The following NXPE2 variants were observed in gnomAD, a reference collection of about 807,000 sequenced individuals.
The protein encoded by NXPE2 is NXPE family member 2.
NXPE2 carries 34 observed loss-of-function variants against 34.4 expected under a neutral mutation model. That is an observed-to-expected ratio of 0.99 (90% confidence interval 0.75 to 1.31). NXPE2 has a LOEUF of 1.31. NXPE2 is among the 40% of genes most tolerant of loss of function. NXPE2 has a pLI of 0.00. For synonymous variants in NXPE2, 235 were observed against 231.3 expected, an observed-to-expected ratio of 1.02 and a Z score of -0.15; for missense variants, 649 against 672.5, an observed-to-expected ratio of 0.97 and a Z score of 0.39.
intron 4 of NXPE2, among the ~76,000 whole-genome samples, chr11:114,704,958 C>T (rs1951444131): frequency 2.0e-5 from 3 of 152,202 alleles, no homozygotes; most frequent in Admixed American, 1.3e-4. Flanking sequence ...TAGTACCAGA[C>T]TGTAATTTTT....
the NXPE2 span, among the ~76,000 whole-genome samples, chr11:114,724,890 GTTTT>G: frequency 4.4e-5 from 4 of 90,926 alleles, no homozygotes; most frequent in African/African-American, 8.0e-5. Context: ...TTCAGAAATG[GTTTT>G]TTTTTTTTTT....
the NXPE2 span, among the ~76,000 whole-genome samples, chr11:114,779,522 C>T: frequency 6.6e-6 from 1 of 152,018 alleles, no homozygotes; most frequent in African/African-American, 2.4e-5. Flanking sequence ...TCCCCGGGTG[C>T]CAGCTCAGCT....
intron 3 of NXPE2, among the ~76,000 whole-genome samples, chr11:114,700,019 C>A (rs1322992327): frequency 6.6e-6 from 1 of 152,116 alleles, no homozygotes; most frequent in Non-Finnish European, 1.5e-5. Flanking sequence ...GTCTTGAACT[C>A]CCCAGCTCAG....
At chr11:114,732,515 A>G in the NXPE2 span, among the ~76,000 whole-genome samples, 46,792 of 151,990 alleles carry the variant, frequency 0.31, 8,367 homozygotes, top group South Asian at 0.41. Context: ...TGCCTTGGAA[A>G]CCCAACCTGT....
At chr11:114,529,148 G>T in the NXPE2 span, 1 of 233,536 alleles carries the variant, frequency 4.3e-6, no homozygotes, top group Non-Finnish European at 8.2e-6. Context: ...AGGGATTTCT[G>T]TGAACCTAGC....
the NXPE2 span, among the ~76,000 whole-genome samples, chr11:114,663,594 T>TATC: frequency 1.1e-5 from 1 of 94,870 alleles, no homozygotes; most frequent in Admixed American, 1.2e-4. Context: ...ATCATCTATC[T>TATC]ATCTATCTAT....
the NXPE2 span, among the ~76,000 whole-genome samples, chr11:114,597,435 G>GTATA: frequency 6.6e-6 from 1 of 152,158 alleles, no homozygotes; most frequent in Non-Finnish European, 1.5e-5. Flanking sequence ...AATGTAATGG[G>GTATA]TATATTAAAA....
chr11:114,505,264 A>G, the NXPE2 span, among the ~76,000 whole-genome samples: 1 of 152,214 alleles, frequency 6.6e-6, no homozygotes, highest in Admixed American at 6.5e-5. Context: ...TGTACCTGAA[A>G]GAAATGGGGA....
chr11:114,659,683 G>A, the NXPE2 span, among the ~76,000 whole-genome samples: 4 of 151,802 alleles, frequency 2.6e-5, no homozygotes, highest in African/African-American at 9.7e-5. Flanking sequence ...AGTGTTTGAG[G>A]GATAAGTTGT....
At chr11:114,579,369 G>C in the NXPE2 span, among the ~76,000 whole-genome samples, 1 of 152,108 alleles carries the variant, frequency 6.6e-6, no homozygotes, top group African/African-American at 2.4e-5. Context: ...GATTTGGAGG[G>C]GACAATCAGT....
At chr11:114,550,627 A>G in the NXPE2 span, among the ~76,000 whole-genome samples, 1 of 152,224 alleles carries the variant, frequency 6.6e-6, no homozygotes, top group Non-Finnish European at 1.5e-5. Context: ...AAAAATAAGA[A>G]AACATGGATG....
At chr11:114,562,448 G>A in the NXPE2 span, among the ~76,000 whole-genome samples, 1 of 152,166 alleles carries the variant, frequency 6.6e-6, no homozygotes, top group African/African-American at 2.4e-5. Flanking sequence ...TAAACTCTGT[G>A]TCCACCTTTA....
chr11:114,595,508 T>C, the NXPE2 span: 3 of 152,288 alleles, frequency 2.0e-5, no homozygotes, highest in Non-Finnish European at 2.9e-5. Flanking sequence ...CCCTAGTTTA[T>C]ACATGGGCAT....
the NXPE2 span, among the ~76,000 whole-genome samples, chr11:114,667,029 A>G: frequency 1.1e-3 from 161 of 152,210 alleles, no homozygotes; most frequent in African/African-American, 3.8e-3. Context: ...TCACTTTTAA[A>G]GTATGTTTCT....
the NXPE2 span, among the ~76,000 whole-genome samples, chr11:114,630,585 G>C: frequency 6.6e-6 from 1 of 151,464 alleles, no homozygotes; most frequent in African/African-American, 2.4e-5. Context: ...AGAAAACCTA[G>C]GCATTACCAT....
At chr11:114,629,076 C>T in the NXPE2 span, among the ~76,000 whole-genome samples, 3 of 152,018 alleles carry the variant, frequency 2.0e-5, no homozygotes, top group African/African-American at 4.8e-5. Context: ...GATTCACAGT[C>T]GAATTCTACC....
chr11:114,572,736 A>T, the NXPE2 span, among the ~76,000 whole-genome samples: 1 of 152,212 alleles, frequency 6.6e-6, no homozygotes, highest in African/African-American at 2.4e-5. Flanking sequence ...CAACCTAAGA[A>T]TAATTGGTAT....
the NXPE2 span, among the ~76,000 whole-genome samples, chr11:114,665,928 T>G: frequency 6.6e-6 from 1 of 152,138 alleles, no homozygotes; most frequent in South Asian, 2.1e-4. Flanking sequence ...CTGTGTGCAG[T>G]TATTATCACT....
the NXPE2 span, among the ~76,000 whole-genome samples, chr11:114,623,374 C>A: frequency 6.6e-6 from 1 of 151,908 alleles, no homozygotes; most frequent in Non-Finnish European, 1.5e-5. Flanking sequence ...CACTTTTAAA[C>A]GTGGGATAAT....
Sources: gnomAD v4.1 joint callset for allele counts (sites outside exome capture counted in the v4.1 genomes callset) on GRCh38, gnomAD v4.1.1 for gene constraint, MANE v1.5 for transcripts, NCBI Gene and HGNC (gene_info 2026-07-23, HGNC 2026-07-21) for gene names.